The following ARHGAP20 variants were observed in gnomAD, a reference collection of about 807,000 sequenced individuals.
The protein encoded by ARHGAP20 is Rho GTPase activating protein 20.
A neutral mutation model predicts 73.7 loss-of-function variants in ARHGAP20; 34 were observed. That is an observed-to-expected ratio of 0.46 (90% CI 0.35 to 0.61). The LOEUF (loss-of-function observed/expected upper bound fraction) is 0.61, where lower values mean the gene tolerates loss of function less well. ARHGAP20 is among the 20% of genes least tolerant of loss of function. The pLI, the probability that ARHGAP20 is intolerant of heterozygous loss-of-function variation, is 0.00. For synonymous variants in ARHGAP20, 523 were observed against 518.2 expected (o/e 1.01, Z -0.13); for missense variants, 1,314 against 1,420.9 (o/e 0.92, Z 1.21).
chr11:110,589,311 G>T, intron 11 of ARHGAP20: 3 of 787,134 alleles, frequency 3.8e-6, no homozygotes, highest in Non-Finnish European at 4.6e-6. Context: ...CAGTTCTCTT[G>T]CATGATATCT....
intron 1 of ARHGAP20, among the ~76,000 whole-genome samples, chr11:110,696,698 T>C (rs1456967233): frequency 1.3e-5 from 2 of 151,784 alleles, no homozygotes; most frequent in African/African-American, 2.4e-5. Flanking sequence ...ATCTGATAGG[T>C]AGTTTTTCAA....
rs960639976 is a variant in ARHGAP20, at chr11:110,607,521, AT to A, written c.776-773del. Among the ~76,000 whole-genome samples the A allele has an allele frequency of 3.9e-5, 6 of 152,196 alleles. No individual in the cohort carries two copies. In the East Asian group the frequency reaches 1.2e-3, roughly 29 times the overall value. The stretch of plus-strand genomic sequence containing the variant: ...TAATCCTCAAATACCACTGATGTAG[AT>A]TTTTTTTAAGTACAGAGAGCAAGTT... On this transcript the variant is annotated intron_variant, in intron 8 of 14. Transcript: ENST00000683387.
intron 4 of ARHGAP20, among the ~76,000 whole-genome samples, chr11:110,617,265 CTT>C (rs796278739): frequency 1.4e-5 from 2 of 143,618 alleles, no homozygotes; most frequent in African/African-American, 2.5e-5. Flanking sequence ...CTTTTTCTTT[CTT>C]TTTTTTTTTG....
intron 2 of ARHGAP20, among the ~76,000 whole-genome samples, chr11:110,661,938 G>C (rs998891873): frequency 6.6e-5 from 10 of 151,960 alleles, no homozygotes; most frequent in African/African-American, 2.4e-4. Context: ...TTTATAACCA[G>C]AGATTGGAAA....
intron 12 of ARHGAP20, among the ~76,000 whole-genome samples, chr11:110,584,938 TGTATATGA>T (rs1297700947): frequency 1.6e-5 from 2 of 124,880 alleles, no homozygotes; most frequent in African/African-American, 2.8e-5. Flanking sequence ...TGAATATATG[TGTATATGA>T]ATATATGAAT....
At chr11:110,609,702 G>A (rs541149349) in intron 7 of ARHGAP20, among the ~76,000 whole-genome samples, 4 of 152,220 alleles carry the variant, frequency 2.6e-5, no homozygotes, top group Admixed American at 2.6e-4. Flanking sequence ...CCTCTAGGAG[G>A]GATGATAAAA....
chr11:110,602,835 G>A (rs1948142014), intron 9 of ARHGAP20, among the ~76,000 whole-genome samples: 1 of 152,308 alleles, frequency 6.6e-6, no homozygotes, highest in East Asian at 1.9e-4. Flanking sequence ...TGAGTTTGAA[G>A]TGACTGAAGA....
chr11:110,603,699 T>C (rs117825441), intron 9 of ARHGAP20, among the ~76,000 whole-genome samples: 2,714 of 152,202 alleles, frequency 0.018, 41 homozygotes, highest in Middle Eastern at 0.034. Flanking sequence ...TAACCTTCAA[T>C]TGAAAGTGAT....
rs1436289987 is a variant in ARHGAP20, at chr11:110,578,240, A to C, written c.*1130T>G. On this transcript the variant is annotated 3_prime_UTR_variant, in exon 15 of 15. Transcript: ENST00000683387. ...AATATGGAACAACGTCTGGAAGCAA[A>C]ACCCAAAGCAAATGGCTGTCTGAGA... The C allele has an allele frequency of 5.1e-6, 5 of 985,362 alleles. No homozygotes were observed. Among genetic ancestry groups the C allele is most frequent in the Non-Finnish European group, 6.0e-6 (5 of 829,958 alleles). 61.0% of individuals were successfully genotyped at this position (985,362 alleles called of 1,614,324 possible).
Position 110,579,174 on chromosome 11 carries a change from T to C in ARHGAP20, c.*196A>G, listed in dbSNP as rs903637461. ...AATAAGAAAAAGCCTCCCAAACACT[T>C]AGGTGACAAAATTTTTAGCATAAAG... On this transcript the variant is annotated 3_prime_UTR_variant, in exon 15 of 15. Transcript: ENST00000683387. 6 of 1,269,570 alleles carry C rather than the reference T, an allele frequency of 4.7e-6. No individual in the cohort carries two copies. Among genetic ancestry groups the C allele is most frequent in the Middle Eastern group, 3.1e-4 (1 of 3,270 alleles). 78.6% of individuals were successfully genotyped at this position (1,269,570 alleles called of 1,614,324 possible). A position where few individuals can be genotyped will look rare whatever the true frequency, so the allele number is the denominator to read the frequency against.
At chr11:110,607,670 A>G (rs901658277) in intron 8 of ARHGAP20, among the ~76,000 whole-genome samples, 17 of 152,212 alleles carry the variant, frequency 1.1e-4, no homozygotes, top group African/African-American at 3.9e-4. Flanking sequence ...GCTTCCAGAG[A>G]TTAAGACAGA....
intron 11 of ARHGAP20, among the ~76,000 whole-genome samples, chr11:110,590,117 C>A (rs1947785739): frequency 7.0e-6 from 1 of 142,856 alleles, no homozygotes; most frequent in Admixed American, 6.9e-5. Flanking sequence ...TGAGACCCCG[C>A]CTCAAAAAAA....
intron 11 of ARHGAP20, among the ~76,000 whole-genome samples, chr11:110,589,205 G>A (rs1038239910): frequency 1.3e-5 from 2 of 152,156 alleles, no homozygotes; most frequent in Non-Finnish European, 2.9e-5. Context: ...ATGCATATTT[G>A]TATTTTACAT....
chr11:110,618,604 TAG>T (rs1667221842), intron 4 of ARHGAP20, among the ~76,000 whole-genome samples: 1 of 151,850 alleles, frequency 6.6e-6, no homozygotes, highest in Non-Finnish European at 1.5e-5. Context: ...TATGCAGTGA[TAG>T]AGTATATGCA....
At chr11:110,612,254 T>TAAAA (rs386374891) in intron 6 of ARHGAP20, among the ~76,000 whole-genome samples, 1 of 143,338 alleles carries the variant, frequency 7.0e-6, no homozygotes, top group Non-Finnish European at 1.5e-5. Context: ...CCGTCTCTAC[T>TAAAA]AAAAAAAAAA....
In ARHGAP20 at chr11:110,622,430, C is replaced by G. The variant is rs1269731367; in HGVS notation, c.503+1732G>C. On this transcript the variant is annotated intron_variant, in intron 4 of 14. Transcript: ENST00000683387. ...ACATAGTTCTCATGCTGTTTAAGTTCAGAGGACTCTAAATGTTATTCTTTT... is the reference window on the plus strand; with the variant it reads ...ACATAGTTCTCATGCTGTTTAAGTTGAGAGGACTCTAAATGTTATTCTTTT... Among the ~76,000 whole-genome samples, 5 of 152,312 alleles carry G rather than the reference C, an allele frequency of 3.3e-5. No individual in the cohort carries two copies. In the South Asian group the frequency reaches 1.0e-3, roughly 32 times the overall value.
At chr11:110,587,219 T>C (rs1947693673) in intron 11 of ARHGAP20, among the ~76,000 whole-genome samples, 1 of 152,248 alleles carries the variant, frequency 6.6e-6, no homozygotes, top group Non-Finnish European at 1.5e-5. Context: ...CAACTGTCTC[T>C]CTTGCTTTTG....
chr11:110,693,023 C>G (rs1019999351), intron 1 of ARHGAP20, among the ~76,000 whole-genome samples: 3 of 151,972 alleles, frequency 2.0e-5, no homozygotes, highest in Admixed American at 2.0e-4. Flanking sequence ...AGAATGATAG[C>G]TGTTAAACAT....
At chr11:110,696,712 T>G (rs1179608975) in intron 1 of ARHGAP20, among the ~76,000 whole-genome samples, 1 of 151,638 alleles carries the variant, frequency 6.6e-6, no homozygotes, top group Admixed American at 6.6e-5. Context: ...TTTTCAACTC[T>G]TGCCACCTTA....
Sources: allele counts gnomAD v4.1 joint callset (sites outside exome capture counted in the v4.1 genomes callset), GRCh38; gene constraint gnomAD v4.1.1; transcripts MANE v1.5; gene names NCBI Gene and HGNC (gene_info 2026-07-23, HGNC 2026-07-21).